RXFP2: variants seen among roughly 807,000 people sequenced by gnomAD.
RXFP2 encodes the protein relaxin family peptide receptor 2.
A neutral mutation model predicts 88.6 loss-of-function variants in RXFP2; 68 were observed. The ratio of observed to expected loss-of-function variants is 0.77; its 90% CI spans 0.63 to 0.94. The LOEUF (loss-of-function observed/expected upper bound fraction) is 0.94, where lower values mean the gene tolerates loss of function less well. Ranked by LOEUF, RXFP2 falls within the 40% of genes least tolerant of loss-of-function variation. The pLI, the probability that RXFP2 is intolerant of heterozygous loss-of-function variation, is 0.00. For synonymous variants in RXFP2, 329 were observed against 306.8 expected (o/e 1.07, Z -0.76); for missense variants, 791 against 893.9 (o/e 0.88, Z 1.47).
intron 1 of RXFP2, among the ~76,000 whole-genome samples, chr13:31,741,012 G>A (rs1871207663): frequency 6.6e-6 from 1 of 151,976 alleles, no homozygotes; most frequent in Admixed American, 6.6e-5. Flanking sequence ...CCCTTAAAAA[G>A]TTCTTTAATG....
At chr13:31,797,870 C>T (rs750732307) in intron 17 of RXFP2, among the ~76,000 whole-genome samples, 10 of 152,272 alleles carry the variant, frequency 6.6e-5, no homozygotes, top group African/African-American at 2.4e-4. Flanking sequence ...CTGGGCTCTG[C>T]GGAGCACGAG....
At chr13:31,797,874 G>A (rs1036812806) in intron 17 of RXFP2, among the ~76,000 whole-genome samples, 1 of 152,144 alleles carries the variant, frequency 6.6e-6, no homozygotes, top group East Asian at 1.9e-4. Context: ...GCTCTGCGGA[G>A]CACGAGATAT....
intron 5 of RXFP2, 113 bp from the exon 6 acceptor site, chr13:31,774,507 T>C (rs1251017427): frequency 1.4e-6 from 1 of 733,904 alleles, no homozygotes; most frequent in Non-Finnish European, 2.5e-6. Context: ...GAATAGGACT[T>C]CGTACTTCAA....
chr13:31,786,443 T>C lies in RXFP2; in HGVS notation c.990T>C (p.Leu330=). ...CTCACCTTTTTAAAGACTTGAAGCT[T>C]CTACAAAAGCTGTAAGTTCTACTTC... is the stretch of plus-strand genomic sequence containing the variant. ...LSPHLFKDLK[L]LQKLNLSSNP... Residue 330 remains leucine (L), a synonymous_variant, in exon 12 of 18, where the codon CTT becomes CTC. Transcript: ENST00000298386. 1.2e-6 allele frequency: 2 copies of C among 1,606,052 alleles called. No homozygotes were observed. Among genetic ancestry groups the C allele is most frequent in the Admixed American group, 1.7e-5 (1 of 60,008 alleles).
chr13:31,799,130 C>A (rs1874202125), intron 17 of RXFP2, among the ~76,000 whole-genome samples: 1 of 151,688 alleles, frequency 6.6e-6, no homozygotes. Context: ...AATGATTAGT[C>A]AACTAAAGAA....
At chr13:31,750,912 T>C (rs1236828091) in intron 1 of RXFP2, among the ~76,000 whole-genome samples, 1 of 152,186 alleles carries the variant, frequency 6.6e-6, no homozygotes, top group African/African-American at 2.4e-5. Context: ...TATATCTCAG[T>C]TTTACAGGCA....
intron 17 of RXFP2, 125 bp from the exon 18 acceptor site, chr13:31,802,021 G>A (rs1874368188): frequency 1.1e-6 from 1 of 925,632 alleles, no homozygotes; most frequent in Non-Finnish European, 1.7e-6. Context: ...TTTCCTTCAG[G>A]TGAGAGAAAA....
At chr13:31,758,468 G>T in intron 2 of RXFP2, 64 bp downstream of exon 2, 2 of 1,572,016 alleles carry the variant, frequency 1.3e-6, no homozygotes, top group East Asian at 2.2e-5. Context: ...ACTGTGGGTC[G>T]GTTGGATAAT....
At chr13:31,792,110 T>C (rs1873822242) in intron 15 of RXFP2, 75 bp downstream of exon 15, 5 of 1,104,992 alleles carry the variant, frequency 4.5e-6, no homozygotes, top group African/African-American at 1.6e-5. Context: ...TATGTATTTA[T>C]TGGCTTTCAA....
At chr13:31,775,268 TA>T in intron 6 of RXFP2, 49 bp from the exon 7 acceptor site, 2 of 1,339,802 alleles carry the variant, frequency 1.5e-6, no homozygotes, top group Non-Finnish European at 2.2e-6. Flanking sequence ...TATATGTGAC[TA>T]AAATAGGGTA....
chr13:31,784,587 G>T (rs1873438716), intron 11 of RXFP2, among the ~76,000 whole-genome samples: 1 of 152,040 alleles, frequency 6.6e-6, no homozygotes, highest in South Asian at 2.1e-4. Context: ...TGCACCTGTG[G>T]TCTCCCTTCT....
Position 31,786,438 on chromosome 13 carries a change from A to C in RXFP2, c.985A>C (p.Lys329Gln), listed in dbSNP as rs770630306. The change falls in exon 12 of 18, where the codon AAG becomes CAG. Residue 329 changes from lysine (K) to glutamine (Q), a missense_variant. By Grantham distance (53) the Lys-to-Gln change is moderately conservative. Transcript: ENST00000298386. ...ATCACCTCACCTTTTTAAAGACTTG[A>C]AGCTTCTACAAAAGCTGTAAGTTCT... is the stretch of plus-strand genomic sequence containing the variant. ...ELSPHLFKDL[K>Q]LLQKLNLSSN... 6.2e-7 allele frequency: 1 copy of C among 1,606,228 alleles called. No homozygotes were observed.
rs1284400834 is a variant in RXFP2, at chr13:31,802,742, G to T, written c.*337G>T. On this transcript the variant is annotated 3_prime_UTR_variant, in exon 18 of 18. Transcript: ENST00000298386. ...GGCACTGTGTGGTCTTTCACATCGG[G>T]TTGCACTGTCCATGAAATAGAAACA... 3.3e-6 allele frequency: 1 copy of T among 305,658 alleles called. No individual in the cohort carries two copies. Among genetic ancestry groups the T allele is most frequent in the Non-Finnish European group, 6.3e-6 (1 of 158,716 alleles). The allele number at this position is 305,658 out of a possible 1,614,324, so 18.9% of individuals were successfully genotyped here.
rs958924371 is a variant in RXFP2 at position 31,793,764 on chromosome 13, G to C, written c.1786+676G>C. On this transcript the variant is annotated intron_variant, in intron 16 of 17. Coordinates refer to ENST00000298386, the MANE Select transcript of RXFP2 (RefSeq NM_130806.5). ...CTTTCCTATATCCTCTCTTTGGGGC[G>C]ATCTTCTTTTGACTCTCTCTTCTAA... Among the ~76,000 whole-genome samples the C allele has an allele frequency of 2.6e-5, 4 of 151,984 alleles. No homozygotes were observed. The South Asian group carries it at 8.3e-4, about 32-fold the overall frequency.
rs200689029 is a variant in RXFP2, at chr13:31,775,305, A to C, written c.570-13A>C. On this transcript the variant is annotated splice_polypyrimidine_tract_variant and intron_variant, in intron 6 of 17. Transcript: ENST00000298386. ...TTGAGTTTGCCTAATTAACTCACCC[A>C]TGCTATTTGTAGATATCTCAACCAC... 36 of 1,607,312 alleles carry C rather than the reference A, an allele frequency of 2.2e-5. No homozygotes were observed. The East Asian group carries it at 7.4e-4, about 33-fold the overall frequency.
chr13:31,755,872 G>GA (rs1435615540), intron 1 of RXFP2, among the ~76,000 whole-genome samples: 2 of 152,132 alleles, frequency 1.3e-5, no homozygotes, highest in African/African-American at 4.8e-5. Flanking sequence ...AAATTCCAAT[G>GA]AGCAGAAAAG....
intron 13 of RXFP2, among the ~76,000 whole-genome samples, chr13:31,787,849 C>A (rs781762126): frequency 1.3e-5 from 2 of 152,196 alleles, no homozygotes; most frequent in Non-Finnish European, 2.9e-5. Context: ...TTGTGTTGCC[C>A]AGGCTGGTCT....
intron 2 of RXFP2, 94 bp from the exon 3 acceptor site, chr13:31,761,630 T>A: frequency 1.3e-6 from 1 of 797,498 alleles, no homozygotes; most frequent in South Asian, 1.4e-5. Context: ...TACTTAAACA[T>A]ATTTTAGTTT....
chr13:31,765,204 A>T, intron 4 of RXFP2, 62 bp downstream of exon 4: 1 of 1,026,860 alleles, frequency 9.7e-7, no homozygotes, highest in Non-Finnish European at 1.5e-6. Flanking sequence ...CCAAGAAAAA[A>T]CCCAATAGTG....
Sources: gnomAD v4.1 joint callset for allele counts (sites outside exome capture counted in the v4.1 genomes callset) on GRCh38, gnomAD v4.1.1 for gene constraint, MANE v1.5 for transcripts, NCBI Gene and HGNC (gene_info 2026-07-23, HGNC 2026-07-21) for gene names.